The following ERC2 variants were observed in gnomAD, a reference collection of about 807,000 sequenced individuals.
ERC2 encodes the protein ELKS/RAB6-interacting/CAST family member 2, also known as ERC protein 2.
Under a neutral mutation model 114.8 loss-of-function variants are expected in ERC2, and 42 were observed. That is an observed-to-expected ratio of 0.37 (90% confidence interval 0.29 to 0.47). ERC2 has a LOEUF of 0.47. Ranked by LOEUF, ERC2 falls within the 20% of genes least tolerant of loss-of-function variation. The pLI is 0.99. For synonymous variants in ERC2, 454 were observed against 425.5 expected (o/e 1.07, Z -0.82); for missense variants, 939 against 1,150.7 (o/e 0.82, Z 2.66).
intron 6 of ERC2, among the ~76,000 whole-genome samples, chr3:56,136,101 C>T (rs2080487306): frequency 6.6e-6 from 1 of 152,130 alleles, no homozygotes; most frequent in South Asian, 2.1e-4. Context: ...ACAAACCAAC[C>T]AAAGAGCCAA....
chr3:56,384,186 G>C (rs1006258755), intron 2 of ERC2, among the ~76,000 whole-genome samples: 5 of 152,096 alleles, frequency 3.3e-5, no homozygotes, highest in African/African-American at 1.2e-4. Flanking sequence ...ATCTGTTTGA[G>C]TCCCTGCATT....
chr3:55,809,800 C>T (rs2059645470), intron 14 of ERC2, among the ~76,000 whole-genome samples: 1 of 152,114 alleles, frequency 6.6e-6, no homozygotes, highest in Non-Finnish European at 1.5e-5. Flanking sequence ...AACTGCTGGC[C>T]ACATTTTTGA....
chr3:55,671,675 G>A (rs982930209), intron 17 of ERC2, among the ~76,000 whole-genome samples: 1 of 152,096 alleles, frequency 6.6e-6, no homozygotes, highest in Non-Finnish European at 1.5e-5. Flanking sequence ...CTAGGCTATC[G>A]GCCTTCTCCT....
At chr3:56,062,769 C>T (rs1257772214) in intron 7 of ERC2, among the ~76,000 whole-genome samples, 1 of 151,974 alleles carries the variant, frequency 6.6e-6, no homozygotes, top group Non-Finnish European at 1.5e-5. Context: ...GCAAGTTTAC[C>T]ATCAAAGGCT....
At chr3:55,988,852 G>A (rs567466943) in intron 11 of ERC2, among the ~76,000 whole-genome samples, 1 of 152,328 alleles carries the variant, frequency 6.6e-6, no homozygotes, top group Admixed American at 6.5e-5. Flanking sequence ...TATGAATTTT[G>A]TAGTTTTATC....
intron 2 of ERC2, among the ~76,000 whole-genome samples, chr3:56,314,627 C>A (rs2056778790): frequency 6.6e-6 from 1 of 151,970 alleles, no homozygotes; most frequent in Admixed American, 6.6e-5. Context: ...AGCAATAGCA[C>A]ATAAAATAGC....
chr3:55,994,074 A>G (rs1870273), intron 10 of ERC2, among the ~76,000 whole-genome samples: 52,178 of 152,022 alleles, frequency 0.34, 9,646 homozygotes, highest in Middle Eastern at 0.45. Flanking sequence ...AAATTGCTAA[A>G]GAAAAACTTC....
intron 15 of ERC2, among the ~76,000 whole-genome samples, chr3:55,711,375 G>A (rs564332966): frequency 6.6e-5 from 10 of 152,206 alleles, no homozygotes; most frequent in African/African-American, 1.4e-4. Flanking sequence ...ATTTATTCCC[G>A]CTGTTAAGGT....
chr3:55,944,720 C>T (rs1192716798), intron 13 of ERC2, among the ~76,000 whole-genome samples: 1 of 152,164 alleles, frequency 6.6e-6, no homozygotes, highest in African/African-American at 2.4e-5. Context: ...AACTGATTGT[C>T]AAATAAGATT....
chr3:56,198,270 ATAAGT>A (rs1319107582), intron 3 of ERC2, among the ~76,000 whole-genome samples: 1 of 152,230 alleles, frequency 6.6e-6, no homozygotes, highest in Non-Finnish European at 1.5e-5. Context: ...CAACCTGTGC[ATAAGT>A]TAGTTCAATG....
chr3:56,335,825 G>A (rs1576479977), intron 2 of ERC2, among the ~76,000 whole-genome samples: 1 of 152,082 alleles, frequency 6.6e-6, no homozygotes, highest in Admixed American at 6.5e-5. Context: ...TTCACTCATC[G>A]GCTGAATGAA....
At position 56,254,429 on chromosome 3, in the gene ERC2, C is replaced by T. The variant is rs373927450; in HGVS notation, c.1074+41590G>A. On this transcript the variant is annotated intron_variant, in intron 3 of 17. Transcript: ENST00000288221. ...CAGGACCCGCAAGTATTTTCAAAGG[C>T]TCCACTCTGAGTTAGAATTAGCACA... 8.5e-5 allele frequency among the ~76,000 whole-genome samples: 13 copies of T among 152,124 alleles called. No individual in the cohort carries two copies. In the South Asian group the frequency reaches 2.7e-3, roughly 32 times the overall value.
At chr3:55,592,974 T>C (rs961796676) in intron 17 of ERC2, among the ~76,000 whole-genome samples, 1 of 152,236 alleles carries the variant, frequency 6.6e-6, no homozygotes, top group African/African-American at 2.4e-5. Flanking sequence ...CCTATGTCCT[T>C]CTATTCACTC....
chr3:56,208,972 A>C (rs537929520), intron 3 of ERC2, among the ~76,000 whole-genome samples: 1 of 152,236 alleles, frequency 6.6e-6, no homozygotes, highest in Admixed American at 6.5e-5. Context: ...GCTGAGCCCC[A>C]GAGTCCATTT....
At chr3:56,192,956 G>A (rs1412263555) in intron 3 of ERC2, among the ~76,000 whole-genome samples, 1 of 152,132 alleles carries the variant, frequency 6.6e-6, no homozygotes, top group Non-Finnish European at 1.5e-5. Context: ...CCAATGAAAA[G>A]GGTCCCAAAG....
intron 13 of ERC2, among the ~76,000 whole-genome samples, chr3:55,925,761 C>T (rs564383265): frequency 1.5e-4 from 23 of 152,268 alleles, no homozygotes; most frequent in African/African-American, 4.1e-4. Context: ...TAATTACAGA[C>T]GCATAAATAA....
At chr3:56,188,431 T>G (rs910299117) in intron 3 of ERC2, among the ~76,000 whole-genome samples, 6 of 152,126 alleles carry the variant, frequency 3.9e-5, no homozygotes, top group African/African-American at 9.7e-5. Flanking sequence ...AACAGCGTGT[T>G]CCCTACACAC....
chr3:55,534,199 G>A (rs2053846120), intron 17 of ERC2, among the ~76,000 whole-genome samples: 1 of 152,186 alleles, frequency 6.6e-6, no homozygotes. Flanking sequence ...TAGGAGGATT[G>A]CTTGAGTCCA....
At chr3:55,629,455 G>C (rs2059656318) in intron 17 of ERC2, among the ~76,000 whole-genome samples, 1 of 152,222 alleles carries the variant, frequency 6.6e-6, no homozygotes, top group Admixed American at 6.5e-5. Flanking sequence ...ATGACTTCCA[G>C]TTTTCCTGGT....
Sources: allele counts gnomAD v4.1 joint callset (sites outside exome capture counted in the v4.1 genomes callset), GRCh38; gene constraint gnomAD v4.1.1; transcripts MANE v1.5; gene names NCBI Gene and HGNC (gene_info 2026-07-23, HGNC 2026-07-21).